Variants in NTNG1 observed in about 807,000 individuals in gnomAD.
NTNG1 encodes netrin-G1.
NTNG1 carries 16 observed loss-of-function variants against 54.0 expected under a neutral mutation model. The ratio of observed to expected loss-of-function variants is 0.30; its 90% CI spans 0.20 to 0.45. The LOEUF (loss-of-function observed/expected upper bound fraction) is 0.45, where lower values mean the gene tolerates loss of function less well. Ranked by LOEUF, NTNG1 falls within the 20% of genes least tolerant of loss-of-function variation. NTNG1 has a pLI of 1.00. For synonymous variants in NTNG1, 255 were observed against 263.1 expected (o/e 0.97, Z 0.30); for missense variants, 530 against 678.7 (o/e 0.78, Z 2.43).
At chr1:107,338,458 C>T (rs1668713116) in intron 3 of NTNG1, among the ~76,000 whole-genome samples, 1 of 151,894 alleles carries the variant, frequency 6.6e-6, no homozygotes, top group Non-Finnish European at 1.5e-5. Flanking sequence ...TGCTGCAAGC[C>T]TGAGCTAGAG....
intron 2 of NTNG1, among the ~76,000 whole-genome samples, chr1:107,152,884 T>G (rs1192642285): frequency 6.6e-6 from 1 of 152,222 alleles, no homozygotes; most frequent in Non-Finnish European, 1.5e-5. Flanking sequence ...TTATGTTTAC[T>G]GAAATAATTA....
chr1:107,378,205 C>T (rs1671419273), intron 3 of NTNG1, among the ~76,000 whole-genome samples: 1 of 152,198 alleles, frequency 6.6e-6, no homozygotes, highest in Admixed American at 6.5e-5. Context: ...AGTGAAATAA[C>T]ACCAGGTTCA....
intron 2 of NTNG1, among the ~76,000 whole-genome samples, chr1:107,167,119 GT>G (rs1336328971): frequency 6.6e-6 from 1 of 151,996 alleles, no homozygotes; most frequent in Non-Finnish European, 1.5e-5. Flanking sequence ...ATATTGGACT[GT>G]TGGTTTTACC....
At chr1:107,436,887 G>A in intron 7 of NTNG1, 88 bp downstream of exon 7, 2 of 1,242,570 alleles carry the variant, frequency 1.6e-6, no homozygotes, top group Admixed American at 2.2e-5. Context: ...TCTCAGAGCA[G>A]AAAAAGATCC....
chr1:107,386,165 ATTTT>A lies in NTNG1; in HGVS notation c.888-8979_888-8976del, dbSNP rs71098628. 3.9e-3 allele frequency among the ~76,000 whole-genome samples: 475 copies of A among 120,778 alleles called. 9 individuals are homozygous for A. Among genetic ancestry groups the A allele is most frequent in the African/African-American group, 0.013 (438 of 33,736 alleles). The allele number at this position is 120,778 out of a possible 152,430, so 79.2% of individuals were successfully genotyped here. The stretch of plus-strand genomic sequence containing the variant: ...TATATGTGTGTATATATATATATAT[ATTTT>A]TTTTTTTTTCTTCCTTTGAAATGGG... On this transcript the variant is annotated intron_variant, in intron 3 of 7. Coordinates refer to ENST00000370068, the MANE Select transcript of NTNG1 (RefSeq NM_001113226.3).
In NTNG1 at chr1:107,455,690, A is replaced by G; in HGVS notation, c.1390+18891A>G. 3 of 447,842 alleles carry G rather than the reference A, an allele frequency of 6.7e-6. No individual in the cohort carries two copies. In the Admixed American group the frequency reaches 6.8e-5, roughly 10 times the overall value. 27.7% of individuals were successfully genotyped at this position (447,842 alleles called of 1,614,324 possible). A position where few individuals can be genotyped will look rare whatever the true frequency, so the allele number is the denominator to read the frequency against. ...CTGTGAAATGAGGTGACAGCACTGG[A>G]GAGCATGACAAGAACAATACGCGGA... On this transcript the variant is annotated intron_variant, in intron 7 of 7. Coordinates refer to ENST00000370068, the MANE Select transcript of NTNG1 (RefSeq NM_001113226.3).
intron 2 of NTNG1, among the ~76,000 whole-genome samples, chr1:107,303,862 A>G (rs1426289325): frequency 6.6e-6 from 1 of 151,964 alleles, no homozygotes; most frequent in African/African-American, 2.4e-5. Context: ...AATTTTTTGT[A>G]TGATAGTACA....
chr1:107,420,598 C>T (rs181241256), intron 5 of NTNG1, among the ~76,000 whole-genome samples: 113 of 151,998 alleles, frequency 7.4e-4, no homozygotes, highest in South Asian at 6.6e-3. Flanking sequence ...TGAGATAGGC[C>T]CAAATGCTGC....
At chr1:107,382,355 G>C (rs1254805444) in intron 3 of NTNG1, among the ~76,000 whole-genome samples, 1 of 152,196 alleles carries the variant, frequency 6.6e-6, no homozygotes, top group African/African-American at 2.4e-5. Context: ...GAATCAGCTA[G>C]TTAGTGTCTC....
At position 107,476,163 on chromosome 1, in the gene NTNG1, C is replaced by T. The variant is rs190759995; in HGVS notation, c.1391-4448C>T. Among the ~76,000 whole-genome samples the T allele has an allele frequency of 1.1e-4, 16 of 152,268 alleles. No individual in the cohort carries two copies. In the East Asian group the frequency reaches 1.2e-3, roughly 11 times the overall value. On this transcript the variant is annotated intron_variant, in intron 7 of 7. Transcript: ENST00000370068. Reference sequence around the variant, plus strand: ...GTCATTCACATCAGGAAGACTTCTGCGGTTAATTTCATACCTTCATAGGAT... The same window carrying T: ...GTCATTCACATCAGGAAGACTTCTGTGGTTAATTTCATACCTTCATAGGAT...
chr1:107,177,377 C>T (rs2101116443), intron 2 of NTNG1, among the ~76,000 whole-genome samples: 1 of 152,126 alleles, frequency 6.6e-6, no homozygotes. Context: ...CTCTGTCACC[C>T]AGGCTAGAGT....
chr1:107,343,777 T>G (rs1394484617), intron 3 of NTNG1, among the ~76,000 whole-genome samples: 2 of 152,150 alleles, frequency 1.3e-5, no homozygotes, highest in Admixed American at 6.6e-5. Context: ...AACATTTCTC[T>G]TTGTTTGTTC....
intron 2 of NTNG1, among the ~76,000 whole-genome samples, chr1:107,179,101 G>A (rs1656873020): frequency 6.6e-6 from 1 of 152,180 alleles, no homozygotes; most frequent in Non-Finnish European, 1.5e-5. Flanking sequence ...GAGGGGCCCT[G>A]AAAGATGGGC....
intron 2 of NTNG1, among the ~76,000 whole-genome samples, chr1:107,166,270 T>C (rs1219075796): frequency 6.6e-6 from 1 of 152,190 alleles, no homozygotes; most frequent in East Asian, 1.9e-4. Context: ...GTCTTGTATT[T>C]CGCTTTCCTT....
At chr1:107,438,827 C>G (rs1011950336) in intron 7 of NTNG1, among the ~76,000 whole-genome samples, 1 of 152,172 alleles carries the variant, frequency 6.6e-6, no homozygotes, top group African/African-American at 2.4e-5. Context: ...CTTTTCCCTT[C>G]TGGAATCAAA....
At chr1:107,457,291 A>T (rs1459849754) in intron 7 of NTNG1, among the ~76,000 whole-genome samples, 2 of 152,200 alleles carry the variant, frequency 1.3e-5, no homozygotes, top group Non-Finnish European at 2.9e-5. Context: ...TTGGTACTAA[A>T]TCCCCAATCC....
At chr1:107,366,445 C>T (rs1040503274) in intron 3 of NTNG1, among the ~76,000 whole-genome samples, 9 of 152,146 alleles carry the variant, frequency 5.9e-5, no homozygotes, top group Non-Finnish European at 4.4e-5. Context: ...ACATTCTCTC[C>T]AGAGACCTGG....
intron 2 of NTNG1, among the ~76,000 whole-genome samples, chr1:107,264,555 A>C (rs1375984389): frequency 6.6e-6 from 1 of 152,182 alleles, no homozygotes; most frequent in Non-Finnish European, 1.5e-5. Context: ...GGATTTTTCT[A>C]TCATACTGCC....
chr1:107,471,572 C>T (rs1251610770), intron 7 of NTNG1, among the ~76,000 whole-genome samples: 1 of 152,166 alleles, frequency 6.6e-6, no homozygotes, highest in Non-Finnish European at 1.5e-5. Flanking sequence ...CTGATTGATA[C>T]AGGAGAGTGC....
Sources: allele counts gnomAD v4.1 joint callset (sites outside exome capture counted in the v4.1 genomes callset), GRCh38; gene constraint gnomAD v4.1.1; transcripts MANE v1.5; gene names NCBI Gene and HGNC (gene_info 2026-07-23, HGNC 2026-07-21).